Variants in CUL1 observed in about 807,000 individuals in gnomAD.
The protein encoded by CUL1 is cullin-1.
A neutral mutation model predicts 118.0 loss-of-function variants in CUL1; 24 were observed. The ratio of observed to expected loss-of-function variants is 0.20; its 90% CI spans 0.15 to 0.29. CUL1 has a LOEUF of 0.29. Ranked by LOEUF, CUL1 falls within the 10% of genes least tolerant of loss-of-function variation. The pLI, the probability that CUL1 is intolerant of heterozygous loss-of-function variation, is 1.00. For synonymous variants in CUL1, 332 were observed against 340.4 expected (o/e 0.98, Z 0.27); for missense variants, 361 against 933.8 (o/e 0.39, Z 7.99).
intron 9 of CUL1, among the ~76,000 whole-genome samples, chr7:148,776,910 T>C (rs142528372): frequency 3.2e-4 from 49 of 152,340 alleles, no homozygotes; most frequent in African/African-American, 1.1e-3. Context: ...ACTTAATTAT[T>C]CCTTTCTGAA....
At chr7:148,783,532 A>T in intron 9 of CUL1, 1 of 1,358,810 alleles carries the variant, frequency 7.4e-7, no homozygotes, top group Non-Finnish European at 9.5e-7. Flanking sequence ...ACTGTTTTTA[A>T]TGCAAGCTCG....
At chr7:148,792,099 T>C (rs1801031663) in intron 16 of CUL1, among the ~76,000 whole-genome samples, 1 of 151,552 alleles carries the variant, frequency 6.6e-6, no homozygotes, top group African/African-American at 2.4e-5. Flanking sequence ...GGCAGGAGAA[T>C]CCCTTGAACC....
intron 9 of CUL1, among the ~76,000 whole-genome samples, chr7:148,770,074 A>G (rs1800158217): frequency 1.3e-5 from 2 of 152,216 alleles, no homozygotes; most frequent in South Asian, 4.1e-4. Flanking sequence ...AATGCTGCCG[A>G]TTGACTTTGT....
intron 6 of CUL1, 58 bp downstream of exon 6, chr7:148,759,696 A>G: frequency 1.2e-6 from 1 of 864,930 alleles, no homozygotes. Flanking sequence ...AATTACAACA[A>G]TGCTCTAACA....
chr7:148,774,152 T>G lies in CUL1; in HGVS notation c.1083+6403T>G, dbSNP rs1022118687. ...TGTGTGCAATGCAGTCCGTTACTCT[T>G]GTTAGAGGTAGGTCATGATTTGCCT... On this transcript the variant is annotated intron_variant, in intron 9 of 21. Transcript: ENST00000325222. Among the ~76,000 whole-genome samples, 10 of 152,184 alleles carry G rather than the reference T, an allele frequency of 6.6e-5. No individual in the cohort carries two copies. In the East Asian group the frequency reaches 1.7e-3, roughly 26 times the overall value.
Position 148,717,956 on chromosome 7 carries a change from T to G in CUL1, c.-161-12006T>G, listed in dbSNP as rs1041164751. Among the ~76,000 whole-genome samples the G allele has an allele frequency of 2.0e-5, 3 of 152,378 alleles. No homozygotes were observed. The East Asian group carries it at 5.8e-4, about 29-fold the overall frequency. On this transcript the variant is annotated intron_variant, in intron 1 of 21. Transcript: ENST00000325222. Reference sequence around the variant, plus strand: ...ATACCTGCAGGCAAAACTTTGACATTCGTGTTTTCACCTGTTTATATATTG... The same window carrying G: ...ATACCTGCAGGCAAAACTTTGACATGCGTGTTTTCACCTGTTTATATATTG...
At chr7:148,714,887 G>C (rs1008347) in intron 1 of CUL1, among the ~76,000 whole-genome samples, 8,035 of 152,174 alleles carry the variant, frequency 0.053, 326 homozygotes, top group Middle Eastern at 0.11. Context: ...TTTTTTGTTT[G>C]TTTGTTTGTT....
At chr7:148,725,217 G>GCACACACACACACACACACA (rs1204605614) in intron 1 of CUL1, among the ~76,000 whole-genome samples, 3 of 75,534 alleles carry the variant, frequency 4.0e-5, no homozygotes, top group Admixed American at 1.3e-4. Flanking sequence ...ACACACGCGC[G>GCACACACACACACACACACA]CGCTCACACA....
intron 9 of CUL1, among the ~76,000 whole-genome samples, chr7:148,775,351 AT>A (rs1414770554): frequency 5.9e-5 from 9 of 152,212 alleles, no homozygotes; most frequent in Non-Finnish European, 1.0e-4. Context: ...TAGGATACAC[AT>A]GGATAAAGTC....
intron 2 of CUL1, among the ~76,000 whole-genome samples, chr7:148,734,820 C>T (rs752797362): frequency 6.6e-6 from 1 of 152,134 alleles, no homozygotes; most frequent in African/African-American, 2.4e-5. Context: ...TTGTTCTGGG[C>T]TCCAGACCTA....
At position 148,721,593 on chromosome 7, in the gene CUL1, A is replaced by G. The variant is rs575532038; in HGVS notation, c.-161-8369A>G. 3.0e-4 allele frequency among the ~76,000 whole-genome samples: 46 copies of G among 152,348 alleles called. No individual in the cohort carries two copies. In the East Asian group the frequency reaches 3.9e-3, roughly 13 times the overall value. On this transcript the variant is annotated intron_variant, in intron 1 of 21. Transcript: ENST00000325222. ...CCACAGTAGCCAGTGTTTTAAGCAG[A>G]TAAGTGTGTGTGGTTCACTGTGGTG...
chr7:148,767,830 T>C, intron 9 of CUL1, 81 bp downstream of exon 9: 1 of 1,383,374 alleles, frequency 7.2e-7, no homozygotes, highest in South Asian at 1.3e-5. Flanking sequence ...CGTCTCTACT[T>C]CCAAATCTAA....
chr7:148,757,123 A>G lies in CUL1; in HGVS notation c.456A>G (p.Gly152=). ...RHWVRRECDE[G]RKGIYEIYSL... is the part of the protein sequence containing the mutation. ...GGGTTCGCCGTGAATGTGACGAAGG[A>G]CGAAAAGGAATATATGAAATCTATT... is the stretch of plus-strand genomic sequence containing the variant. Residue 152 remains glycine, a synonymous_variant, in exon 4 of 22, where the codon GGA becomes GGG. Transcript: ENST00000325222. 1 of 1,576,706 alleles carries G rather than the reference A, an allele frequency of 6.3e-7. No homozygotes were observed.
intron 3 of CUL1, 104 bp from the exon 4 acceptor site, chr7:148,756,877 TCA>T (rs1384282851): frequency 3.1e-6 from 2 of 653,538 alleles, no homozygotes; most frequent in Admixed American, 6.5e-5. Flanking sequence ...CCATCTAAAA[TCA>T]CATGTGTCAA....
chr7:148,709,096 A>T (rs551892090), intron 1 of CUL1, among the ~76,000 whole-genome samples: 4 of 152,332 alleles, frequency 2.6e-5, no homozygotes, highest in African/African-American at 9.6e-5. Context: ...CTTAATAGTT[A>T]TAGGAAAAGT....
chr7:148,716,725 C>T (rs142293251), intron 1 of CUL1, among the ~76,000 whole-genome samples: 110 of 152,344 alleles, frequency 7.2e-4, no homozygotes, highest in African/African-American at 2.4e-3. Context: ...TAAGAATTTA[C>T]TTTCTTATCA....
intron 9 of CUL1, 93 bp from the exon 10 acceptor site, chr7:148,783,690 A>G (rs111358250): frequency 1.3e-5 from 20 of 1,577,970 alleles, no homozygotes; most frequent in African/African-American, 9.5e-5. Context: ...AGCTTTTAGA[A>G]TATTTTGTAT....
Position 148,710,433 on chromosome 7 carries a change from G to A in CUL1, c.-162+11404G>A, listed in dbSNP as rs138969178. Reference sequence around the variant, plus strand: ...AAAAATACAAAATTAGCCAGGCATGGTGGTGCATGCCTGTAATCCCAGCTA... The same window carrying A: ...AAAAATACAAAATTAGCCAGGCATGATGGTGCATGCCTGTAATCCCAGCTA... On this transcript the variant is annotated intron_variant, in intron 1 of 21. Coordinates refer to ENST00000325222, the MANE Select transcript of CUL1 (RefSeq NM_003592.3). Among the ~76,000 whole-genome samples, 601 of 152,224 alleles carry A rather than the reference G, an allele frequency of 3.9e-3. 5 individuals are homozygous for A. Among genetic ancestry groups the A allele is most frequent in the African/African-American group, 0.014 (572 of 41,542 alleles).
chr7:148,725,432 C>T (rs528132965), intron 1 of CUL1, among the ~76,000 whole-genome samples: 67 of 152,304 alleles, frequency 4.4e-4, no homozygotes, highest in Admixed American at 9.1e-4. Context: ...CTCAGCCCAG[C>T]GGGAGTTAAA....
Sources: gnomAD v4.1 joint callset for allele counts (sites outside exome capture counted in the v4.1 genomes callset) on GRCh38, gnomAD v4.1.1 for gene constraint, MANE v1.5 for transcripts, NCBI Gene and HGNC (gene_info 2026-07-23, HGNC 2026-07-21) for gene names.